STARD8: variants seen among roughly 807,000 people sequenced by gnomAD.
STARD8 encodes stAR-related lipid transfer protein 8.
STARD8 carries 25 observed loss-of-function variants against 69.4 expected under a neutral mutation model. The ratio of observed to expected loss-of-function variants is 0.36; its 90% confidence interval spans 0.26 to 0.50. The LOEUF is 0.50. Ranked by LOEUF, STARD8 falls within the 20% of genes least tolerant of loss-of-function variation. The probability of loss-of-function intolerance (pLI) is 0.96; values close to 1 mark genes in which losing one functional copy is unlikely to be tolerated. For synonymous variants in STARD8, 389 were observed against 374.6 expected, an observed-to-expected ratio of 1.04 and a Z score of -0.45; for missense variants, 921 against 932.5, an observed-to-expected ratio of 0.99 and a Z score of 0.16.
At chrX:68,685,518 C>T (rs2079826325) in intron 2 of STARD8, among the ~76,000 whole-genome samples, 1 of 112,526 alleles carries the variant, frequency 8.9e-6, no homozygotes, top group Non-Finnish European at 1.9e-5. Flanking sequence ...CGGTTATGTA[C>T]CTTAGAGTCC....
intron 2 of STARD8, among the ~76,000 whole-genome samples, chrX:68,682,778 G>T (rs2079808772): frequency 8.9e-6 from 1 of 112,724 alleles, no homozygotes; most frequent in Non-Finnish European, 1.9e-5. Context: ...AAGTGCACAT[G>T]TAACACATTT....
chrX:68,723,469 T>TG lies in STARD8; in HGVS notation c.2800-154dup, dbSNP rs200765743. On this transcript the variant is annotated intron_variant, in intron 12 of 14. Coordinates refer to ENST00000374599, the MANE Select transcript of STARD8 (RefSeq NM_001142503.3). ...AAAGAGAGAGAGAGGGCAGGGAGCATGGGAGCACTGTCTCAGTCTGGCCAG... is the reference window on the plus strand; with the variant it reads ...AAAGAGAGAGAGAGGGCAGGGAGCATGGGGAGCACTGTCTCAGTCTGGCCAG... 2.6e-3 allele frequency among the ~76,000 whole-genome samples: 290 copies of TG among 112,469 alleles called. 10 individuals carry two copies. The East Asian group carries it at 0.072, about 28-fold the overall frequency.
At chrX:68,679,184 G>A (rs747333441) in intron 2 of STARD8, among the ~76,000 whole-genome samples, 50 of 111,843 alleles carry the variant, frequency 4.5e-4, no homozygotes, top group Non-Finnish European at 7.5e-4. Context: ...TTAAAACTTC[G>A]TTAGATGCAG....
chrX:68,718,419 A>T lies in STARD8; in HGVS notation c.1505A>T (p.His502Leu). ...APAQDSEQEA[H>L]SGGEPTFASS... is the part of the protein sequence containing the mutation. The stretch of plus-strand genomic sequence containing the variant: ...GCCCAGGACAGTGAGCAGGAGGCAC[A>T]TTCAGGCGGGGAACCCACCTTTGCC... Residue 502 changes from histidine to leucine, a missense_variant, in exon 6 of 15, where the codon CAT becomes CTT. By Grantham distance (99) the His-to-Leu change is moderately conservative. Coordinates refer to ENST00000374599, the MANE Select transcript of STARD8 (RefSeq NM_001142503.3). 1 of 1,210,769 alleles carries T rather than the reference A, an allele frequency of 8.3e-7. No homozygotes were observed. The highest frequency in any genetic ancestry group is 1.8e-5 in the South Asian group (1 of 56,793).
chrX:68,649,618 A>C (rs1221686772), intron 1 of STARD8, among the ~76,000 whole-genome samples: 2 of 111,530 alleles, frequency 1.8e-5, no homozygotes, highest in Non-Finnish European at 3.8e-5. Context: ...TTTCTCCTAC[A>C]AAATATGAGT....
chrX:68,660,173 G>C (rs1199867284), intron 1 of STARD8, among the ~76,000 whole-genome samples: 2 of 111,261 alleles, frequency 1.8e-5, no homozygotes, highest in African/African-American at 6.5e-5. Context: ...GGCTGTCCCA[G>C]ATTCTGAGTT....
chrX:68,677,263 C>T (rs2079771230), intron 2 of STARD8, among the ~76,000 whole-genome samples: 1 of 111,989 alleles, frequency 8.9e-6, no homozygotes, highest in African/African-American at 3.2e-5. Flanking sequence ...TCTATCACCC[C>T]TTTGACCCTC....
intron 1 of STARD8, among the ~76,000 whole-genome samples, chrX:68,662,048 C>G (rs1188578741): frequency 1.0e-5 from 1 of 100,461 alleles, no homozygotes; most frequent in Non-Finnish European, 2.0e-5. Context: ...GCTCTTGTTG[C>G]CCAGGCTGGA....
intron 2 of STARD8, among the ~76,000 whole-genome samples, chrX:68,693,301 C>A (rs1164624073): frequency 8.9e-6 from 1 of 112,629 alleles, no homozygotes; most frequent in African/African-American, 3.2e-5. Flanking sequence ...ATAAATTATC[C>A]GAGCAAGTCA....
At chrX:68,715,507 A>C in intron 4 of STARD8, 132 bp downstream of exon 4, 4 of 528,974 alleles carry the variant, frequency 7.6e-6, no homozygotes, top group East Asian at 3.8e-5. Flanking sequence ...TTCTGTGGTC[A>C]CATTGCTCAT....
chrX:68,694,525 T>C lies in STARD8; in HGVS notation c.80-18389T>C, dbSNP rs150055458. On this transcript the variant is annotated intron_variant, in intron 2 of 14. Coordinates refer to ENST00000374599, the MANE Select transcript of STARD8 (RefSeq NM_001142503.3). ...ACGTTCCTCCTGACACTTGTGAAAG[T>C]TGCGCGCTGAATTACGACTCAGGAA... Among the ~76,000 whole-genome samples, 958 of 111,649 alleles carry C rather than the reference T, an allele frequency of 8.6e-3. 18 individuals are homozygous for C. Among genetic ancestry groups the C allele is most frequent in the African/African-American group, 0.03 (928 of 30,588 alleles).
chrX:68,705,374 C>T (rs1052626704), intron 2 of STARD8, among the ~76,000 whole-genome samples: 6 of 112,353 alleles, frequency 5.3e-5, no homozygotes, highest in African/African-American at 9.7e-5. Flanking sequence ...TCAGGGTGCT[C>T]GTGACTCTCC....
chrX:68,649,538 C>A (rs916321463), intron 1 of STARD8, among the ~76,000 whole-genome samples: 3 of 110,520 alleles, frequency 2.7e-5, no homozygotes, highest in Non-Finnish European at 5.7e-5. Context: ...TAAATTAATT[C>A]AACTCAAAGG....
intron 2 of STARD8, among the ~76,000 whole-genome samples, chrX:68,673,450 T>G (rs893300493): frequency 8.9e-6 from 1 of 111,909 alleles, no homozygotes; most frequent in Non-Finnish European, 1.9e-5. Context: ...GCCTGGCTTT[T>G]TCCTCCCTCA....
At chrX:68,677,107 C>T (rs1221381477) in intron 2 of STARD8, among the ~76,000 whole-genome samples, 1 of 110,878 alleles carries the variant, frequency 9.0e-6, no homozygotes. Flanking sequence ...GATCGTGGCA[C>T]TGCACTCCAG....
chrX:68,690,837 G>C (rs1467882805), intron 2 of STARD8, among the ~76,000 whole-genome samples: 1 of 111,946 alleles, frequency 8.9e-6, no homozygotes, highest in Admixed American at 9.5e-5. Context: ...CACCATATCT[G>C]ACGCTTATAA....
At position 68,695,850 on chromosome X, in the gene STARD8, AGGATAGCAACAG is replaced by A. The variant is rs776026702; in HGVS notation, c.80-17060_80-17049del. Among the ~76,000 whole-genome samples the A allele has an allele frequency of 1.1e-3, 118 of 111,927 alleles. 1 individual carries two copies. The highest frequency in any genetic ancestry group is 1.2e-3 in the Non-Finnish European group (65 of 53,167). On this transcript the variant is annotated intron_variant, in intron 2 of 14. Transcript: ENST00000374599. ...AGAAGACCCCTGTGTCTAGGTTTAG[AGGATAGCAACAG>A]GGACACAAAGGCAAGAAGGTCCCAA...
chrX:68,701,736 T>A (rs1280646226), intron 2 of STARD8, among the ~76,000 whole-genome samples: 4 of 111,911 alleles, frequency 3.6e-5, no homozygotes, highest in African/African-American at 1.3e-4. Context: ...CCTGCCTGAT[T>A]AGCACCTTCT....
intron 6 of STARD8, 89 bp downstream of exon 6, chrX:68,718,718 G>A: frequency 9.1e-7 from 1 of 1,101,869 alleles, no homozygotes; most frequent in Non-Finnish European, 1.2e-6. Flanking sequence ...GAGGCCCAGG[G>A]CTAAGTGCTT....
Sources: allele counts gnomAD v4.1 joint callset (sites outside exome capture counted in the v4.1 genomes callset), GRCh38; gene constraint gnomAD v4.1.1; transcripts MANE v1.5; gene names NCBI Gene and HGNC (gene_info 2026-07-23, HGNC 2026-07-21).